Variants in PHLDA2 observed in about 807,000 individuals in gnomAD.
PHLDA2 encodes pleckstrin homology like domain family A member 2, also known as pleckstrin homology-like domain family A member 2.
PHLDA2 carries 5 observed loss-of-function variants against 5.9 expected under a neutral mutation model. The observed-to-expected ratio is 0.85, with a 90% confidence interval of 0.44 to 1.78. The LOEUF (loss-of-function observed/expected upper bound fraction) is 1.78. Ranked by LOEUF, PHLDA2 falls within the 40% of genes most tolerant of loss-of-function variation. The pLI is 0.02. For synonymous variants in PHLDA2, 111 were observed against 102.7 expected (o/e 1.08, Z -0.49); for missense variants, 216 against 228.3 (o/e 0.95, Z 0.35).
In PHLDA2 at chr11:2,929,230, C is replaced by G; in HGVS notation, c.135G>C (p.Ala45=). The change falls in exon 1 of 2, where the codon GCG becomes GCC. Residue 45 remains alanine (A), a synonymous_variant. Transcript: ENST00000314222. This position sits in a 1 kb window ranked among gnomAD's most constrained non-coding sequence, Gnocchi z 8.3. ...RLSLFPASPR[A]RPKELRFHSI... ...AGTGGAAGCGCAGCTCCTTGGGGCG[C>G]GCGCGGGGGCTGGCGGGGAACAGGC... The G allele has an allele frequency of 6.2e-7, 1 of 1,611,934 alleles. No individual in the cohort carries two copies. The highest frequency in any genetic ancestry group is 8.5e-7 in the Non-Finnish European group (1 of 1,179,674).
chr11:2,928,648 G>A lies in PHLDA2; in HGVS notation c.*30C>T, dbSNP rs1201626732. Reference sequence around the variant, plus strand: ...GCCGGCCACGTCCTAGCCTCGGTCCGACTCGTCCAGCGTATGGCCCTGTGG... The same window carrying A: ...GCCGGCCACGTCCTAGCCTCGGTCCAACTCGTCCAGCGTATGGCCCTGTGG... On this transcript the variant is annotated 3_prime_UTR_variant, in exon 2 of 2. Transcript: ENST00000314222. 1.9e-5 allele frequency: 8 copies of A among 430,406 alleles called. No homozygotes were observed. The highest frequency in any genetic ancestry group is 3.2e-5 in the Non-Finnish European group (8 of 248,158). The allele number at this position is 430,406 out of a possible 1,614,324, so 26.7% of individuals were successfully genotyped here.
Position 2,928,895 on chromosome 11 carries a change from C to T in PHLDA2, c.*10+1G>A. 2 of 1,357,392 alleles carry T rather than the reference C, an allele frequency of 1.5e-6. No individual in the cohort carries two copies. Among genetic ancestry groups the T allele is most frequent in the Non-Finnish European group, 1.9e-6 (2 of 1,062,006 alleles). The allele number at this position is 1,357,392 out of a possible 1,614,324, so 84.1% of individuals were successfully genotyped here. ...TCGCCGGGACGCGGGCAGTCACTCA[C>T]CGCGGCGGGCTCATGGCGTGCGGGG... is the stretch of plus-strand genomic sequence containing the variant. On this transcript the variant is annotated splice_donor_variant, in intron 1 of 1. Coordinates refer to ENST00000314222, the MANE Select transcript of PHLDA2 (RefSeq NM_003311.4). LOFTEE classifies it low-confidence loss of function (3UTR_SPLICE).
chr11:2,928,533 A>G lies in PHLDA2; in HGVS notation c.*145T>C, dbSNP rs1850463932. ...AAGAACCAGCGAAATAAATACATAG[A>G]TATTAGATAGTCCAATAACTTAAGG... On this transcript the variant is annotated 3_prime_UTR_variant, in exon 2 of 2. Transcript: ENST00000314222. 1 of 310,008 alleles carries G rather than the reference A, an allele frequency of 3.2e-6. No homozygotes were observed. 19.2% of individuals were successfully genotyped at this position (310,008 alleles called of 1,614,324 possible). A position where few individuals can be genotyped will look rare whatever the true frequency, so the allele number is the denominator to read the frequency against.
intron 1 of PHLDA2, 81 bp downstream of exon 1, chr11:2,928,815 G>A (rs1850471011): frequency 9.9e-7 from 1 of 1,014,942 alleles, no homozygotes; most frequent in Non-Finnish European, 1.3e-6. Flanking sequence ...CCCGCCGTCT[G>A]GGGTTGAAGT....
intron 1 of PHLDA2, 91 bp from the exon 2 acceptor site, chr11:2,928,758 C>T: frequency 1.5e-6 from 1 of 652,100 alleles, no homozygotes; most frequent in Non-Finnish European, 2.3e-6. Flanking sequence ...AGGGGGCCAG[C>T]GCGATTGCGG....
rs1850467366 is a variant in PHLDA2, at chr11:2,928,642, C to G, written c.*36G>C. The G allele has an allele frequency of 2.8e-5, 12 of 429,440 alleles. No homozygotes were observed. The South Asian group carries it at 3.0e-4, about 11-fold the overall frequency. 26.6% of individuals were successfully genotyped at this position (429,440 alleles called of 1,614,324 possible). ...GAGAGCGCCGGCCACGTCCTAGCCTCGGTCCGACTCGTCCAGCGTATGGCC... is the reference window on the plus strand; with the variant it reads ...GAGAGCGCCGGCCACGTCCTAGCCTGGGTCCGACTCGTCCAGCGTATGGCC... On this transcript the variant is annotated 3_prime_UTR_variant, in exon 2 of 2. Transcript: ENST00000314222.
At position 2,929,236 on chromosome 11, in the gene PHLDA2, G is replaced by A; in HGVS notation, c.129C>T (p.Pro43=). 1.2e-6 allele frequency: 2 copies of A among 1,612,088 alleles called. No individual in the cohort carries two copies. Among genetic ancestry groups the A allele is most frequent in the East Asian group, 4.5e-5 (2 of 44,802 alleles). The part of the protein sequence containing the change: ...SDRLSLFPAS[P]RARPKELRFH... The stretch of plus-strand genomic sequence containing the variant: ...AGCGCAGCTCCTTGGGGCGCGCGCG[G>A]GGGCTGGCGGGGAACAGGCTCAGGC... Residue 43 remains proline, a synonymous_variant, in exon 1 of 2, where the codon CCC becomes CCT. Transcript: ENST00000314222. The surrounding 1 kb of genome is among the most constrained non-coding windows in gnomAD (Gnocchi z 8.3).
chr11:2,929,043 G>A lies in PHLDA2; in HGVS notation c.322C>T (p.Gln108Ter), dbSNP rs1309283394. 5 of 1,604,088 alleles carry A rather than the reference G, an allele frequency of 3.1e-6. No homozygotes were observed. Among genetic ancestry groups the A allele is most frequent in the Non-Finnish European group, 4.2e-6 (5 of 1,178,432 alleles). Reference protein sequence around the residue: ...LIDFQNRRALQDFRSRQERTA... With the variant: ...LIDFQNRRAL ...CGTTCCTGGCGGCTGCGAAAGTCCT[G>A]CAGGGCGCGGCGGTTCTGGAAATCG... Residue 108 changes from glutamine (Q) to a stop codon, truncating the protein, a stop_gained, in exon 1 of 2, where the codon CAG becomes TAG. Transcript: ENST00000314222. LOFTEE classifies it low-confidence loss of function (END_TRUNC). This position sits in a 1 kb window ranked among gnomAD's most constrained non-coding sequence, Gnocchi z 8.3.
chr11:2,929,207 T>C lies in PHLDA2; in HGVS notation c.158A>G (p.His53Arg), dbSNP rs373414362. 14 of 1,612,210 alleles carry C rather than the reference T, an allele frequency of 8.7e-6. No homozygotes were observed. The highest frequency in any genetic ancestry group is 1.7e-5 in the Admixed American group (1 of 59,968). ...CACGCAGTCCACCTTGAGGATGGAG[T>C]GGAAGCGCAGCTCCTTGGGGCGCGC... is the stretch of plus-strand genomic sequence containing the variant. Reference protein sequence around the residue: ...PRARPKELRFHSILKVDCVER... With the variant: ...PRARPKELRFRSILKVDCVER... The change falls in exon 1 of 2, where the codon CAC (histidine) becomes CGC (arginine). Residue 53 changes from histidine to arginine, a missense_variant. Transcript: ENST00000314222. The surrounding 1 kb of genome is among the most constrained non-coding windows in gnomAD (Gnocchi z 8.3).
intron 1 of PHLDA2, 100 bp downstream of exon 1, chr11:2,928,796 C>T (rs1850470492): frequency 1.1e-6 from 1 of 902,030 alleles, no homozygotes; most frequent in Non-Finnish European, 1.5e-6. Flanking sequence ...GGAGGTGCAG[C>T]GCCCCCGCCC....
At chr11:2,928,744 C>T in intron 1 of PHLDA2, 77 bp from the exon 2 acceptor site, 1 of 587,256 alleles carries the variant, frequency 1.7e-6, no homozygotes, top group Non-Finnish European at 2.7e-6. Context: ...GAGACCCTGA[C>T]GCGAGGGGGC....
chr11:2,929,187 A>G lies in PHLDA2; in HGVS notation c.178T>C (p.Cys60Arg). ...LRFHSILKVD[C>R]VERTGKYVYF... Reference sequence around the variant, plus strand: ...ACGTACTTGCCCGTGCGCTCCACGCAGTCCACCTTGAGGATGGAGTGGAAG... The same window carrying G: ...ACGTACTTGCCCGTGCGCTCCACGCGGTCCACCTTGAGGATGGAGTGGAAG... Residue 60 changes from cysteine to arginine, a missense_variant, in exon 1 of 2, where the codon TGC becomes CGC. Transcript: ENST00000314222. The surrounding 1 kb of genome is among the most constrained non-coding windows in gnomAD (Gnocchi z 8.3). 1 of 1,612,772 alleles carries G rather than the reference A, an allele frequency of 6.2e-7. No individual in the cohort carries two copies. The highest frequency in any genetic ancestry group is 8.5e-7 in the Non-Finnish European group (1 of 1,179,884).
At chr11:2,928,868 G>A (rs1481882880) in intron 1 of PHLDA2, 28 bp downstream of exon 1, 1 of 1,322,622 alleles carries the variant, frequency 7.6e-7, no homozygotes, top group East Asian at 3.1e-5. Context: ...AGGGCGCAGG[G>A]CTCGCCGGGA....
chr11:2,929,227 G>A lies in PHLDA2; in HGVS notation c.138C>T (p.Arg46=). ...TGGAGTGGAAGCGCAGCTCCTTGGG[G>A]CGCGCGCGGGGGCTGGCGGGGAACA... ...LSLFPASPRA[R]PKELRFHSIL... The change falls in exon 1 of 2, where the codon CGC becomes CGT. Residue 46 remains arginine (R), a synonymous_variant. Coordinates refer to ENST00000314222, the MANE Select transcript of PHLDA2 (RefSeq NM_003311.4). The surrounding 1 kb of genome is among the most constrained non-coding windows in gnomAD (Gnocchi z 8.3). The A allele has an allele frequency of 6.2e-7, 1 of 1,612,204 alleles. No individual in the cohort carries two copies. The highest frequency in any genetic ancestry group is 8.5e-7 in the Non-Finnish European group (1 of 1,179,762).
chr11:2,928,820 T>G, intron 1 of PHLDA2, 76 bp downstream of exon 1: 2 of 1,043,162 alleles, frequency 1.9e-6, no homozygotes, highest in Non-Finnish European at 2.6e-6. Flanking sequence ...CGTCTGGGGT[T>G]GAAGTGGTTT....
Position 2,929,297 on chromosome 11 carries a change from A to G in PHLDA2, c.68T>C (p.Leu23Pro), listed in dbSNP as rs771340404. Residue 23 changes from leucine to proline, a missense_variant, in exon 1 of 2, where the codon CTA (leucine) becomes CCA (proline). Coordinates refer to ENST00000314222, the MANE Select transcript of PHLDA2 (RefSeq NM_003311.4). The surrounding 1 kb of genome is among the most constrained non-coding windows in gnomAD (Gnocchi z 8.3). ...LEKRSDSLFQ[L>P]WKKKRGVLTS... The stretch of plus-strand genomic sequence containing the variant: ...GAGCACCCCGCGCTTCTTCTTCCAT[A>G]GCTGGAAGAGGCTGTCGCTGCGCTT... 1.5e-5 allele frequency: 24 copies of G among 1,609,990 alleles called. No homozygotes were observed. The highest frequency in any genetic ancestry group is 8.4e-5 in the Admixed American group (5 of 59,834).
intron 1 of PHLDA2, 72 bp downstream of exon 1, chr11:2,928,824 G>A: frequency 1.8e-6 from 2 of 1,105,128 alleles, no homozygotes; most frequent in Non-Finnish European, 2.4e-6. Context: ...TGGGGTTGAA[G>A]TGGTTTTTCC....
At position 2,929,224 on chromosome 11, in the gene PHLDA2, G is replaced by A. The variant is rs752583706; in HGVS notation, c.141C>T (p.Pro47=). 1 of 1,612,142 alleles carries A rather than the reference G, an allele frequency of 6.2e-7. No homozygotes were observed. The change falls in exon 1 of 2, where the codon CCC becomes CCT. Residue 47 remains proline, a synonymous_variant. Coordinates refer to ENST00000314222, the MANE Select transcript of PHLDA2 (RefSeq NM_003311.4). The surrounding 1 kb of genome is among the most constrained non-coding windows in gnomAD (Gnocchi z 8.3). The part of the protein sequence containing the change: ...SLFPASPRAR[P]KELRFHSILK... Reference sequence around the variant, plus strand: ...GGATGGAGTGGAAGCGCAGCTCCTTGGGGCGCGCGCGGGGGCTGGCGGGGA... The same window carrying A: ...GGATGGAGTGGAAGCGCAGCTCCTTAGGGCGCGCGCGGGGGCTGGCGGGGA...
In PHLDA2 at chr11:2,929,109, C is replaced by T; in HGVS notation, c.256G>A (p.Gly86Ser). ...DHKEIDFRCA[G>S]ESCWNAAIAL... Reference sequence around the variant, plus strand: ...ATGGCCGCGTTCCAGCAGCTCTCGCCCGCGCAGCGGAAGTCGATCTCCTTG... The same window carrying T: ...ATGGCCGCGTTCCAGCAGCTCTCGCTCGCGCAGCGGAAGTCGATCTCCTTG... The change falls in exon 1 of 2, where the codon GGC becomes AGC. Residue 86 changes from glycine to serine, a missense_variant. Physicochemically the swap from Gly to Ser is moderately conservative, Grantham distance 56. Transcript: ENST00000314222. The surrounding 1 kb of genome is among the most constrained non-coding windows in gnomAD (Gnocchi z 8.3). 1 of 1,611,912 alleles carries T rather than the reference C, an allele frequency of 6.2e-7. No individual in the cohort carries two copies. The highest frequency in any genetic ancestry group is 8.5e-7 in the Non-Finnish European group (1 of 1,179,572).
Sources: allele counts gnomAD v4.1 joint callset, GRCh38; gene constraint gnomAD v4.1.1; non-coding constraint Gnocchi (gnomAD v3.1); transcripts MANE v1.5; gene names NCBI Gene and HGNC (gene_info 2026-07-23, HGNC 2026-07-21).